The following PTPRD variants were observed in gnomAD, a reference collection of about 807,000 sequenced individuals.
PTPRD encodes receptor-type tyrosine-protein phosphatase delta.
A neutral mutation model predicts 214.5 loss-of-function variants in PTPRD; 34 were observed. The observed-to-expected ratio is 0.16, with a 90% CI of 0.12 to 0.21. The LOEUF is 0.21. Ranked by LOEUF, PTPRD falls within the 10% of genes least tolerant of loss-of-function variation. The probability of loss-of-function intolerance (pLI) is 1.00; values close to 1 mark genes in which losing one functional copy is unlikely to be tolerated. For missense variants in PTPRD, 2,545 were observed against 2,398.7 expected (o/e 1.06, Z -1.27); for synonymous variants, 1,128 against 845.7 (o/e 1.33, Z -5.79).
At chr9:10,191,578 C>G (rs1219460606) in intron 3 of PTPRD, among the ~76,000 whole-genome samples, 1 of 152,094 alleles carries the variant, frequency 6.6e-6, no homozygotes, top group African/African-American at 2.4e-5. Flanking sequence ...GAAAACCATC[C>G]CACACACAAA....
intron 14 of PTPRD, among the ~76,000 whole-genome samples, chr9:8,566,661 T>G (rs946302028): frequency 6.6e-6 from 1 of 152,174 alleles, no homozygotes; most frequent in African/African-American, 2.4e-5. Flanking sequence ...CCTCAGCGCC[T>G]AGCAATGAGA....
intron 3 of PTPRD, among the ~76,000 whole-genome samples, chr9:10,153,944 C>T (rs1411799528): frequency 6.6e-6 from 1 of 151,996 alleles, no homozygotes; most frequent in Non-Finnish European, 1.5e-5. Context: ...TTGCAATGAA[C>T]AGACACATGC....
chr9:8,488,775 GGATTAA>G (rs2097090255), intron 27 of PTPRD, among the ~76,000 whole-genome samples: 1 of 152,136 alleles, frequency 6.6e-6, no homozygotes, highest in Non-Finnish European at 1.5e-5. Context: ...ATGGTGTCAA[GGATTAA>G]ACACCTGAGT....
At chr9:10,298,444 G>A (rs10809062) in intron 3 of PTPRD, among the ~76,000 whole-genome samples, 30,939 of 151,982 alleles carry the variant, frequency 0.2, 3,780 homozygotes, top group African/African-American at 0.34. Flanking sequence ...AAAAGAATAT[G>A]TTAGAGTTAA....
chr9:9,800,843 C>G (rs2099034936), intron 5 of PTPRD, among the ~76,000 whole-genome samples: 1 of 152,134 alleles, frequency 6.6e-6, no homozygotes, highest in African/African-American at 2.4e-5. Flanking sequence ...CAATTTAAAG[C>G]TTGTAAAACA....
At chr9:9,578,787 T>A (rs951841741) in intron 7 of PTPRD, among the ~76,000 whole-genome samples, 3 of 152,022 alleles carry the variant, frequency 2.0e-5, no homozygotes, top group Non-Finnish European at 2.9e-5. Context: ...TACAAAAAAA[T>A]CTTACTATCA....
chr9:8,710,153 G>A (rs1309222340), intron 12 of PTPRD, among the ~76,000 whole-genome samples: 1 of 152,140 alleles, frequency 6.6e-6, no homozygotes, highest in Non-Finnish European at 1.5e-5. Flanking sequence ...ACTAATATTA[G>A]AAGCTTTTTT....
intron 5 of PTPRD, among the ~76,000 whole-genome samples, chr9:9,823,611 A>C (rs1413134003): frequency 6.6e-6 from 1 of 152,124 alleles, no homozygotes; most frequent in Non-Finnish European, 1.5e-5. Flanking sequence ...AATTATGTTA[A>C]ATGAAATAAT....
intron 8 of PTPRD, among the ~76,000 whole-genome samples, chr9:9,571,296 ATATG>A (rs1372487237): frequency 6.6e-6 from 1 of 151,310 alleles, no homozygotes. Context: ...ACAAAAAAAG[ATATG>A]TATGTCTCTC....
intron 5 of PTPRD, among the ~76,000 whole-genome samples, chr9:9,900,640 G>GGTTTTTGTTTTTGTTTTT (rs1555302161): frequency 2.8e-5 from 3 of 107,622 alleles, no homozygotes; most frequent in African/African-American, 9.8e-5. Context: ...CACATTTTCA[G>GGTTTTTGTTTTTGTTTTT]GTTTTTTTTT....
At chr9:9,558,706 A>C (rs1461548785) in intron 8 of PTPRD, among the ~76,000 whole-genome samples, 1 of 152,132 alleles carries the variant, frequency 6.6e-6, no homozygotes, top group African/African-American at 2.4e-5. Flanking sequence ...CTTATTAGCT[A>C]CTCCGTTTAC....
intron 3 of PTPRD, among the ~76,000 whole-genome samples, chr9:10,265,556 A>C (rs894573038): frequency 5.3e-5 from 8 of 152,190 alleles, no homozygotes; most frequent in African/African-American, 1.9e-4. Context: ...CAGATAGTAA[A>C]CATTTTAAGC....
At chr9:10,135,233 G>C (rs976691454) in intron 3 of PTPRD, among the ~76,000 whole-genome samples, 1 of 152,094 alleles carries the variant, frequency 6.6e-6, no homozygotes, top group Non-Finnish European at 1.5e-5. Flanking sequence ...ATTATGTATA[G>C]AAATCAAACC....
chr9:8,674,805 A>G (rs758320322), intron 12 of PTPRD, among the ~76,000 whole-genome samples: 2 of 152,168 alleles, frequency 1.3e-5, no homozygotes, highest in Non-Finnish European at 2.9e-5. Context: ...AAATGAGCTT[A>G]TACTTCACTA....
At position 9,411,047 on chromosome 9, in the gene PTPRD, G is replaced by C. The variant is rs112407822; in HGVS notation, c.-236-13565C>G. Among the ~76,000 whole-genome samples the C allele has an allele frequency of 1.7e-3, 265 of 152,164 alleles. 1 individual carries two copies. The highest frequency in any genetic ancestry group is 5.5e-3 in the African/African-American group (227 of 41,524). ...CCACAGCTGCAAAACCTCTTTGTGT[G>C]TGTGTATGTGTGTGTGTGTTGGACT... On this transcript the variant is annotated intron_variant, in intron 8 of 45. Transcript: ENST00000381196.
At chr9:9,956,372 G>C (rs966035157) in intron 4 of PTPRD, among the ~76,000 whole-genome samples, 2 of 151,542 alleles carry the variant, frequency 1.3e-5, no homozygotes, top group African/African-American at 4.8e-5. Context: ...CAGATGATCA[G>C]AAATTTTTTA....
rs1001476771 is a variant in PTPRD, at chr9:10,104,156, G to T, written c.-544-70366C>A. On this transcript the variant is annotated intron_variant, in intron 3 of 45. Transcript: ENST00000381196. ...AGAAAGTGGAATGGTGGGTGCCAGG[G>T]GCTGGGAGAGGAGGGAAGGAGGAGT... is the stretch of plus-strand genomic sequence containing the variant. Among the ~76,000 whole-genome samples, 8 of 151,776 alleles carry T rather than the reference G, an allele frequency of 5.3e-5. No individual in the cohort carries two copies. In the South Asian group the frequency reaches 1.7e-3, roughly 32 times the overall value.
intron 3 of PTPRD, among the ~76,000 whole-genome samples, chr9:10,136,644 G>A (rs369517096): frequency 2.3e-5 from 2 of 85,736 alleles, no homozygotes; most frequent in African/African-American, 1.0e-4. Context: ...GCGTGGGCAA[G>A]GACTTCATGT....
chr9:9,625,386 T>TA (rs1365594496), intron 7 of PTPRD, among the ~76,000 whole-genome samples: 2 of 152,256 alleles, frequency 1.3e-5, no homozygotes, highest in Middle Eastern at 3.4e-3. Context: ...CGCATGCTGT[T>TA]AGAGTGGCTA....
Sources: allele counts gnomAD v4.1 joint callset (sites outside exome capture counted in the v4.1 genomes callset), GRCh38; gene constraint gnomAD v4.1.1; transcripts MANE v1.5; gene names NCBI Gene and HGNC (gene_info 2026-07-23, HGNC 2026-07-21).